Variants in ARMC9 observed in about 807,000 individuals in gnomAD.
ARMC9 encodes armadillo repeat containing 9.
A neutral mutation model predicts 107.0 loss-of-function variants in ARMC9; 94 were observed. The ratio of observed to expected loss-of-function variants is 0.88; its 90% CI spans 0.74 to 1.04. The LOEUF (loss-of-function observed/expected upper bound fraction) is 1.04, where lower values mean the gene tolerates loss of function less well. Ranked by LOEUF, ARMC9 falls within the 50% of genes least tolerant of loss-of-function variation. ARMC9 has a pLI of 0.00. For missense variants in ARMC9, 942 were observed against 1,030.1 expected (o/e 0.91, Z 1.17); for synonymous variants, 380 against 396.9 (o/e 0.96, Z 0.51).
At chr2:231,322,008 A>G (rs1038211306) in intron 19 of ARMC9, among the ~76,000 whole-genome samples, 6 of 152,270 alleles carry the variant, frequency 3.9e-5, no homozygotes, top group African/African-American at 1.4e-4. Flanking sequence ...CGAAAGCAAG[A>G]GACTGGGAGA....
chr2:231,310,060 G>A (rs892554880), intron 19 of ARMC9, among the ~76,000 whole-genome samples: 14 of 152,164 alleles, frequency 9.2e-5, no homozygotes, highest in Admixed American at 6.5e-4. Flanking sequence ...GTGGAGTGAC[G>A]AGGACTACAT....
At chr2:231,334,381 G>A (rs560649415) in intron 20 of ARMC9, among the ~76,000 whole-genome samples, 168 of 152,320 alleles carry the variant, frequency 1.1e-3, no homozygotes, top group Non-Finnish European at 1.5e-3. Context: ...GTGGCCCCAG[G>A]CCATGCTTGG....
In ARMC9 at chr2:231,258,362, G is replaced by A. The variant is rs2038029985; in HGVS notation, c.915-629G>A. Among the ~76,000 whole-genome samples, 3 of 151,898 alleles carry A rather than the reference G, an allele frequency of 2.0e-5. No individual in the cohort carries two copies. The South Asian group carries it at 6.2e-4, about 32-fold the overall frequency. ...ATGCCCGGCTAATTTTGTGTTTTTA[G>A]TAGAGACGGGGTTTCACCATGTTGG... On this transcript the variant is annotated intron_variant, in intron 10 of 24. Coordinates refer to ENST00000611582, the MANE Select transcript of ARMC9 (RefSeq NM_001352754.2).
rs1472824853 is a variant in ARMC9, at chr2:231,321,686, C to T, written c.1774-10107C>T. 3.3e-5 allele frequency among the ~76,000 whole-genome samples: 5 copies of T among 151,926 alleles called. No individual in the cohort carries two copies. In the East Asian group the frequency reaches 9.6e-4, roughly 29 times the overall value. On this transcript the variant is annotated intron_variant, in intron 19 of 24. Coordinates refer to ENST00000611582, the MANE Select transcript of ARMC9 (RefSeq NM_001352754.2). ...CCTAGGTCTTTTGTTCCCCTTTGCC[C>T]GTTGTGTCCTGAGCACACTCTTAGG...
chr2:231,205,182 C>A (rs541756808), intron 1 of ARMC9, among the ~76,000 whole-genome samples: 4 of 150,794 alleles, frequency 2.7e-5, no homozygotes, highest in African/African-American at 9.8e-5. Flanking sequence ...TAGTAAGACC[C>A]TGTCTCCCTG....
chr2:231,287,335 T>C (rs1315489555), intron 17 of ARMC9, among the ~76,000 whole-genome samples: 2 of 152,184 alleles, frequency 1.3e-5, no homozygotes, highest in Admixed American at 1.3e-4. Flanking sequence ...AGTCATTTGC[T>C]TGGCAGAATC....
chr2:231,257,685 A>G (rs1434980374), intron 10 of ARMC9, among the ~76,000 whole-genome samples: 2 of 152,168 alleles, frequency 1.3e-5, no homozygotes, highest in East Asian at 1.9e-4. Context: ...CACTTACAAA[A>G]TGAGGAGAAT....
chr2:231,329,375 A>G (rs749621568), intron 19 of ARMC9, among the ~76,000 whole-genome samples: 22 of 151,844 alleles, frequency 1.4e-4, no homozygotes, highest in Non-Finnish European at 2.9e-4. Context: ...CAGTGGCGTG[A>G]TCTTGGCTCA....
At position 231,344,985 on chromosome 2, in the gene ARMC9, A is replaced by G. The variant is rs1284298495; in HGVS notation, c.1889A>G (p.Asn630Ser). ...LTTEYLGIMT[N>S]TGKTRRKGLA... ...CTTTCCTTCCACCAGATCATGACCA[A>G]CACGGGGAAGACAAGGCGGAAGGGG... The change falls in exon 21 of 25, where the codon AAC becomes AGC. Residue 630 changes from asparagine (N) to serine (S), a missense_variant. Asn to Ser is a conservative substitution (Grantham distance 46). Transcript: ENST00000611582. 1.2e-6 allele frequency: 2 copies of G among 1,613,952 alleles called. No homozygotes were observed. The highest frequency in any genetic ancestry group is 1.7e-6 in the Non-Finnish European group (2 of 1,180,026).
intron 6 of ARMC9, among the ~76,000 whole-genome samples, chr2:231,223,099 A>T (rs2034309563): frequency 6.6e-6 from 1 of 152,202 alleles, no homozygotes; most frequent in Admixed American, 6.5e-5. Context: ...CCTTCTTGTA[A>T]AAGAATTCCT....
At chr2:231,203,951 ACT>A (rs912692230) in intron 1 of ARMC9, among the ~76,000 whole-genome samples, 1 of 151,796 alleles carries the variant, frequency 6.6e-6, no homozygotes, top group African/African-American at 2.4e-5. Flanking sequence ...CAACAGCGAG[ACT>A]CTGTCTCAAA....
At chr2:231,282,204 C>T (rs2040268596) in intron 17 of ARMC9, 71 bp downstream of exon 17, 2 of 1,481,880 alleles carry the variant, frequency 1.3e-6, no homozygotes, top group African/African-American at 2.8e-5. Context: ...AGAGCAAGAC[C>T]TCCTTGATTG....
At chr2:231,314,723 T>C (rs564633021) in intron 19 of ARMC9, among the ~76,000 whole-genome samples, 4 of 152,364 alleles carry the variant, frequency 2.6e-5, no homozygotes, top group Non-Finnish European at 5.9e-5. Flanking sequence ...TTGGAAACCA[T>C]TGGCCTAGGC....
chr2:231,270,874 C>A (rs1430793277), intron 12 of ARMC9, 108 bp from the exon 13 acceptor site: 4 of 903,942 alleles, frequency 4.4e-6, no homozygotes, highest in Non-Finnish European at 7.1e-6. Context: ...TTTATTTCAC[C>A]TCTAATAAAT....
chr2:231,332,282 C>T (rs1005691322), intron 20 of ARMC9, among the ~76,000 whole-genome samples: 2 of 151,892 alleles, frequency 1.3e-5, no homozygotes, highest in African/African-American at 4.8e-5. Context: ...TTGGCTGAAA[C>T]CATCATAGCC....
At chr2:231,238,254 T>C (rs2035956012) in intron 8 of ARMC9, among the ~76,000 whole-genome samples, 1 of 152,154 alleles carries the variant, frequency 6.6e-6, no homozygotes, top group African/African-American at 2.4e-5. Flanking sequence ...GGGAAAGGTA[T>C]GTTTTTAATA....
chr2:231,220,988 C>T (rs2034065294), intron 5 of ARMC9, among the ~76,000 whole-genome samples: 1 of 152,176 alleles, frequency 6.6e-6, no homozygotes, highest in African/African-American at 2.4e-5. Flanking sequence ...TGTGGTTGAG[C>T]GTAGACCACC....
intron 8 of ARMC9, among the ~76,000 whole-genome samples, chr2:231,236,221 G>T (rs945267902): frequency 6.6e-6 from 1 of 152,200 alleles, no homozygotes; most frequent in Non-Finnish European, 1.5e-5. Context: ...TTTGTATCCA[G>T]CTACCTTTCT....
At chr2:231,250,072 T>C (rs1316632365) in intron 9 of ARMC9, among the ~76,000 whole-genome samples, 4 of 152,178 alleles carry the variant, frequency 2.6e-5, no homozygotes, top group Non-Finnish European at 5.9e-5. Context: ...CTTTTTCTGA[T>C]GCCCCAGGCC....
Sources: gnomAD v4.1 joint callset for allele counts (sites outside exome capture counted in the v4.1 genomes callset) on GRCh38, gnomAD v4.1.1 for gene constraint, MANE v1.5 for transcripts, NCBI Gene and HGNC (gene_info 2026-07-23, HGNC 2026-07-21) for gene names.